The following DOCK4 variants were observed in gnomAD, a reference collection of about 807,000 sequenced individuals.
The protein encoded by DOCK4 is dedicator of cytokinesis protein 4.
In DOCK4, 97 loss-of-function variants were observed where a neutral mutation model predicts 268.1. The observed-to-expected ratio is 0.36, with a 90% confidence interval of 0.31 to 0.43. The LOEUF (loss-of-function observed/expected upper bound fraction) is 0.43, where lower values mean the gene tolerates loss of function less well. Among genes scored for constraint, DOCK4 ranks in the 20% least tolerant of loss-of-function variants. The pLI is 1.00. For synonymous variants in DOCK4, 954 were observed against 887.2 expected (o/e 1.08, Z -1.34); for missense variants, 2,145 against 2,455.7 (o/e 0.87, Z 2.67).
At chr7:112,058,024 ATTTTTTTTT>A (rs67991598) in intron 1 of DOCK4, among the ~76,000 whole-genome samples, 54 of 115,050 alleles carry the variant, frequency 4.7e-4, no homozygotes, top group Non-Finnish European at 6.2e-4. Flanking sequence ...TACAGGTTCA[ATTTTTTTTT>A]TTTTTTTTTT....
At chr7:112,111,690 T>C (rs1357063762) in intron 1 of DOCK4, among the ~76,000 whole-genome samples, 1 of 152,230 alleles carries the variant, frequency 6.6e-6, no homozygotes, top group Non-Finnish European at 1.5e-5. Context: ...TGTCCTGACC[T>C]GCACAGGACC....
chr7:111,958,656 T>G (rs956559532), intron 8 of DOCK4, among the ~76,000 whole-genome samples: 18 of 152,084 alleles, frequency 1.2e-4, no homozygotes, highest in Non-Finnish European at 1.9e-4. Flanking sequence ...AGTTCTGAGT[T>G]CACACTGACT....
In DOCK4 at chr7:111,769,553, G is replaced by A; in HGVS notation, c.3804C>T (p.Ile1268=). The change falls in exon 37 of 53, where the codon ATC becomes ATT. Residue 1268 remains isoleucine, a synonymous_variant. Transcript: ENST00000428084. ...CTTTGCCTCTGTCAAAGTTCTGGAT[G>A]ATGGTGAGGTGCAGGTGCTCTTTGC... The part of the protein sequence containing the change: ...WQRKEHLHLT[I]IQNFDRGKCW... 1 of 1,613,792 alleles carries A rather than the reference G, an allele frequency of 6.2e-7. No individual in the cohort carries two copies. Among genetic ancestry groups the A allele is most frequent in the Middle Eastern group, 1.7e-4 (1 of 6,026 alleles).
intron 12 of DOCK4, among the ~76,000 whole-genome samples, chr7:111,929,406 A>G: frequency 6.6e-6 from 1 of 152,196 alleles, no homozygotes; most frequent in East Asian, 1.9e-4. Context: ...AGATCATGGT[A>G]AAATATTTAG....
intron 1 of DOCK4, among the ~76,000 whole-genome samples, chr7:112,203,651 G>A (rs1248025832): frequency 6.6e-6 from 1 of 152,086 alleles, no homozygotes; most frequent in Non-Finnish European, 1.5e-5. Flanking sequence ...TGGTAACAAA[G>A]ATCTGTGCCC....
In DOCK4 at chr7:111,998,491, A is replaced by G. The variant is rs1448022891; in HGVS notation, c.175T>C (p.Ser59Pro). 6.3e-7 allele frequency: 1 copy of G among 1,590,504 alleles called. No homozygotes were observed. The highest frequency in any genetic ancestry group is 8.6e-7 in the Non-Finnish European group (1 of 1,166,416). Residue 59 changes from serine to proline, a missense_variant, in exon 4 of 53, where the codon TCC becomes CCC. Transcript: ENST00000428084. ...KNPNIKGIFP[S>P]SYVHLKNACV... ...GCATTTTTCAAGTGAACGTAGCTGG[A>G]AGGAAATATACCCTGGAAAAGAAAA...
chr7:112,143,771 TC>T (rs1179761633), intron 1 of DOCK4, among the ~76,000 whole-genome samples: 5 of 152,270 alleles, frequency 3.3e-5, no homozygotes, highest in South Asian at 4.1e-4. Context: ...CCCAGCCATC[TC>T]CTCTAGGAAG....
At chr7:112,123,483 A>G (rs1812933955) in intron 1 of DOCK4, among the ~76,000 whole-genome samples, 1 of 152,178 alleles carries the variant, frequency 6.6e-6, no homozygotes, top group African/African-American at 2.4e-5. Context: ...TCTTTGACTC[A>G]AAGTCAAAAT....
At chr7:112,172,623 T>A (rs1053984158) in intron 1 of DOCK4, among the ~76,000 whole-genome samples, 1 of 152,192 alleles carries the variant, frequency 6.6e-6, no homozygotes, top group Non-Finnish European at 1.5e-5. Flanking sequence ...GTAATTCACA[T>A]CTTCAAGTAT....
At chr7:112,098,111 A>T (rs1563081645) in intron 1 of DOCK4, among the ~76,000 whole-genome samples, 2 of 152,220 alleles carry the variant, frequency 1.3e-5, no homozygotes. Flanking sequence ...TAATCCATAT[A>T]CCTCTGCTCA....
At chr7:111,936,652 C>T (rs1456835296) in intron 11 of DOCK4, among the ~76,000 whole-genome samples, 1 of 152,124 alleles carries the variant, frequency 6.6e-6, no homozygotes, top group Non-Finnish European at 1.5e-5. Flanking sequence ...TTCATCTGAA[C>T]ATATGTGTAA....
At chr7:111,826,712 CATGGGGGATTACAAAAGAAGGG>C (rs539862667) in intron 26 of DOCK4, among the ~76,000 whole-genome samples, 5 of 151,920 alleles carry the variant, frequency 3.3e-5, no homozygotes, top group African/African-American at 1.2e-4. Context: ...TGGGAACAGA[CATGGGGGATTACAAAAGAAGGG>C]AGGGAGGGAG....
intron 1 of DOCK4, among the ~76,000 whole-genome samples, chr7:112,026,464 G>A (rs1305574023): frequency 6.6e-6 from 1 of 152,194 alleles, no homozygotes; most frequent in African/African-American, 2.4e-5. Context: ...TGCCAAAAAT[G>A]TTGGGGACCG....
At chr7:111,991,988 A>AAAAAAAAG (rs1799581134) in intron 5 of DOCK4, among the ~76,000 whole-genome samples, 1 of 135,584 alleles carries the variant, frequency 7.4e-6, no homozygotes, top group Admixed American at 7.5e-5. Context: ...AAAAAAAAAA[A>AAAAAAAAG]GTGCCTGGCA....
chr7:111,909,884 C>T (rs950225219), intron 13 of DOCK4, among the ~76,000 whole-genome samples: 2 of 151,808 alleles, frequency 1.3e-5, no homozygotes, highest in East Asian at 3.9e-4. Flanking sequence ...ATCACTTGAG[C>T]CCAGAAGGCT....
Position 111,741,256 on chromosome 7 carries a change from A to T in DOCK4, c.4920-42T>A, listed in dbSNP as rs145705012. ...AAAAAGGTCATTAACTCAGTCTCCAAATTGTACTTTATCATGTGCTAGAAT... is the reference window on the plus strand; with the variant it reads ...AAAAAGGTCATTAACTCAGTCTCCATATTGTACTTTATCATGTGCTAGAAT... On this transcript the variant is annotated intron_variant, in intron 46 of 52. Transcript: ENST00000428084. 5.0e-4 allele frequency: 807 copies of T among 1,609,808 alleles called. 8 individuals carry two copies. The African/African-American group carries it at 9.7e-3, about 19-fold the overall frequency.
At chr7:112,052,405 C>T (rs1805446217) in intron 1 of DOCK4, among the ~76,000 whole-genome samples, 1 of 152,100 alleles carries the variant, frequency 6.6e-6, no homozygotes, top group Non-Finnish European at 1.5e-5. Flanking sequence ...AGTAATGTTG[C>T]ATTTGGTAGA....
chr7:111,895,057 T>C (rs1400190834), intron 16 of DOCK4, among the ~76,000 whole-genome samples: 2 of 142,156 alleles, frequency 1.4e-5, no homozygotes, highest in African/African-American at 2.9e-5. Flanking sequence ...TTATTACTAG[T>C]ATTCTCAGAT....
intron 7 of DOCK4, among the ~76,000 whole-genome samples, chr7:111,978,147 A>G (rs1245934846): frequency 1.3e-5 from 2 of 152,242 alleles, no homozygotes; most frequent in East Asian, 3.8e-4. Flanking sequence ...GCATCTATCT[A>G]CTAGGGGAAG....
Sources: gnomAD v4.1 joint callset for allele counts (sites outside exome capture counted in the v4.1 genomes callset) on GRCh38, gnomAD v4.1.1 for gene constraint, MANE v1.5 for transcripts, NCBI Gene and HGNC (gene_info 2026-07-23, HGNC 2026-07-21) for gene names.